CSMD2: variants seen among roughly 807,000 people sequenced by gnomAD.
CSMD2 encodes the protein CUB and sushi domain-containing protein 2.
CSMD2 carries 130 observed loss-of-function variants against 398.5 expected under a neutral mutation model. The observed-to-expected ratio is 0.33, with a 90% CI of 0.28 to 0.38. The LOEUF (loss-of-function observed/expected upper bound fraction) is 0.38, where lower values mean the gene tolerates loss of function less well. Among genes scored for constraint, CSMD2 ranks in the 10% least tolerant of loss-of-function variants. The pLI is 1.00. For synonymous variants in CSMD2, 1,828 were observed against 1,908.5 expected (o/e 0.96, Z 1.10); for missense variants, 3,829 against 4,764.9 (o/e 0.80, Z 5.78).
intron 1 of CSMD2, among the ~76,000 whole-genome samples, chr1:34,090,228 A>G (rs74068040): frequency 0.018 from 2,709 of 152,266 alleles, 48 homozygotes; most frequent in East Asian, 0.053. Flanking sequence ...ACCGGGGTGG[A>G]GCTGGAGGGA....
intron 58 of CSMD2, among the ~76,000 whole-genome samples, chr1:33,541,631 T>C (rs1312901669): frequency 6.6e-6 from 1 of 152,214 alleles, no homozygotes; most frequent in African/African-American, 2.4e-5. Context: ...CACACCCAGC[T>C]TGCCCATTTT....
intron 2 of CSMD2, among the ~76,000 whole-genome samples, chr1:34,052,484 C>T (rs12042860): frequency 0.11 from 15,486 of 140,480 alleles, 1,302 homozygotes; most frequent in East Asian, 0.34. Flanking sequence ...AATCAATCCC[C>T]TATGGGACAA....
At position 33,693,044 on chromosome 1, in the gene CSMD2, C is replaced by T. The variant is rs760447019; in HGVS notation, c.3938G>A (p.Gly1313Glu). The T allele has an allele frequency of 6.3e-7, 1 of 1,596,846 alleles. No homozygotes were observed. Among genetic ancestry groups the T allele is most frequent in the South Asian group, 1.1e-5 (1 of 88,150 alleles). ...CCCCGACACCTCTCCTCTCACTGTC[C>T]CTCCACACTCGGCTGAAAGAAATCC... ...PLPTCVAECG[G>E]TVRGEVSGQV... is the part of the protein sequence containing the mutation. The change falls in exon 25 of 71, where the codon GGG becomes GAG. Residue 1313 changes from glycine to glutamate, a missense_variant. Gly to Glu is a moderately conservative substitution (Grantham distance 98). Transcript: ENST00000373381.
At chr1:33,583,523 G>C (rs900025940) in intron 47 of CSMD2, 119 bp downstream of exon 47, 6 of 995,130 alleles carry the variant, frequency 6.0e-6, no homozygotes, top group East Asian at 4.8e-5. Context: ...GGTAGGGAAG[G>C]ACATCCTGTG....
At chr1:33,917,030 C>T (rs565454849) in intron 5 of CSMD2, among the ~76,000 whole-genome samples, 8 of 152,244 alleles carry the variant, frequency 5.3e-5, no homozygotes, top group South Asian at 4.1e-4. Flanking sequence ...CTTTCTGCTC[C>T]GCTCAGAATC....
chr1:34,107,150 A>C (rs1036035164), intron 1 of CSMD2, among the ~76,000 whole-genome samples: 2 of 152,160 alleles, frequency 1.3e-5, no homozygotes, highest in Admixed American at 1.3e-4. Flanking sequence ...CAGAGTGAAA[A>C]CAAGGAACTA....
intron 2 of CSMD2, among the ~76,000 whole-genome samples, chr1:34,041,302 C>T (rs1459024783): frequency 6.6e-6 from 1 of 152,168 alleles, no homozygotes; most frequent in Non-Finnish European, 1.5e-5. Flanking sequence ...GCCTTGAGCA[C>T]ATCAACAATG....
At chr1:33,870,233 C>T (rs1345431185) in intron 5 of CSMD2, 4 of 152,116 alleles carry the variant, frequency 2.6e-5, no homozygotes, top group Non-Finnish European at 5.9e-5. Context: ...CTTAGGTGTG[C>T]TAGGGAATAA....
chr1:33,845,040 A>G (rs112886284), intron 6 of CSMD2, among the ~76,000 whole-genome samples: 4 of 152,330 alleles, frequency 2.6e-5, no homozygotes, highest in African/African-American at 9.6e-5. Context: ...CCACTTGGTC[A>G]TATTTTCCTT....
chr1:33,587,419 T>C (rs1451202177), intron 44 of CSMD2, among the ~76,000 whole-genome samples: 2 of 151,924 alleles, frequency 1.3e-5, no homozygotes. Flanking sequence ...CACTGAAGGG[T>C]GGGAGAGGAG....
chr1:34,063,965 C>T (rs965643451), intron 2 of CSMD2, among the ~76,000 whole-genome samples: 1 of 152,226 alleles, frequency 6.6e-6, no homozygotes. Context: ...TTGGGGCTTC[C>T]ACCCTCTGAA....
intron 9 of CSMD2, among the ~76,000 whole-genome samples, chr1:33,816,653 C>T (rs1199940809): frequency 6.6e-6 from 1 of 152,002 alleles, no homozygotes; most frequent in African/African-American, 2.4e-5. Context: ...TTCACATTGC[C>T]CTCAATCTCC....
At chr1:33,582,681 G>A (rs389724) in intron 47 of CSMD2, among the ~76,000 whole-genome samples, 28,047 of 152,156 alleles carry the variant, frequency 0.18, 4,896 homozygotes, top group African/African-American at 0.46. Context: ...ATGACTGGGG[G>A]TCCAAAGCAC....
chr1:33,919,569 G>C (rs1340030243), intron 4 of CSMD2, among the ~76,000 whole-genome samples: 5 of 152,180 alleles, frequency 3.3e-5, no homozygotes, highest in African/African-American at 1.2e-4. Context: ...CCCAGAGTAG[G>C]TGCTTATGAA....
At chr1:34,053,673 C>T (rs755652894) in intron 2 of CSMD2, among the ~76,000 whole-genome samples, 39 of 152,234 alleles carry the variant, frequency 2.6e-4, no homozygotes, top group African/African-American at 4.6e-4. Flanking sequence ...AGGCATCCTC[C>T]GGCAAATCTT....
At chr1:33,572,391 G>GT (rs34459850) in intron 50 of CSMD2, 115 bp downstream of exon 50, 20,701 of 819,616 alleles carry the variant, frequency 0.025, 9 homozygotes, top group South Asian at 0.05. Context: ...CCATGTCCAT[G>GT]TTTTTTTTTT....
At chr1:33,841,381 A>C (rs1450002735) in intron 6 of CSMD2, among the ~76,000 whole-genome samples, 2 of 152,198 alleles carry the variant, frequency 1.3e-5, no homozygotes, top group African/African-American at 4.8e-5. Flanking sequence ...AGAACCTACC[A>C]AGTGCCAGGT....
At chr1:33,593,500 A>G (rs1570866115) in intron 44 of CSMD2, among the ~76,000 whole-genome samples, 1 of 152,340 alleles carries the variant, frequency 6.6e-6, no homozygotes, top group South Asian at 2.1e-4. Context: ...AGACAAGACA[A>G]GACAGAGCTT....
chr1:33,985,604 C>G (rs542346967), intron 3 of CSMD2, among the ~76,000 whole-genome samples: 1 of 152,286 alleles, frequency 6.6e-6, no homozygotes, highest in East Asian at 1.9e-4. Flanking sequence ...CTGTGTGTCT[C>G]TAGGTAAGTT....
Sources: allele counts gnomAD v4.1 joint callset (sites outside exome capture counted in the v4.1 genomes callset), GRCh38; gene constraint gnomAD v4.1.1; transcripts MANE v1.5; gene names NCBI Gene and HGNC (gene_info 2026-07-23, HGNC 2026-07-21).